SMG7: variants seen among roughly 807,000 people sequenced by gnomAD.
The protein encoded by SMG7 is SMG7 nonsense mediated mRNA decay factor.
A neutral mutation model predicts 148.2 loss-of-function variants in SMG7; 34 were observed. That is an observed-to-expected ratio of 0.23 (90% CI 0.17 to 0.31). SMG7 has a LOEUF of 0.31. SMG7 is among the 10% of genes least tolerant of loss of function. SMG7 has a pLI of 1.00. For missense variants in SMG7, 1,114 were observed against 1,408.4 expected, an observed-to-expected ratio of 0.79 and a Z score of 3.35; for synonymous variants, 492 against 515.1, an observed-to-expected ratio of 0.96 and a Z score of 0.61.
In SMG7 at chr1:183,472,613, G is replaced by A. The variant is rs1650919190; in HGVS notation, c.-8G>A. The A allele has an allele frequency of 2.1e-6, 3 of 1,448,450 alleles. No homozygotes were observed. The highest frequency in any genetic ancestry group is 2.8e-6 in the Non-Finnish European group (3 of 1,088,578). The allele number at this position is 1,448,450 out of a possible 1,614,324, so 89.7% of individuals were successfully genotyped here. On this transcript the variant is annotated 5_prime_UTR_variant, in exon 1 of 23. Coordinates refer to ENST00000688051, the MANE Select transcript of SMG7 (RefSeq NM_001375584.1). ...CTTCGCGGGAAGACGCGGCGGCGGC[G>A]GCGGAGGATGAGCCTGCAGAGCGCG...
rs190728807 is a variant in SMG7, at chr1:183,512,940, T to C, written c.61+72T>C. The C allele has an allele frequency of 3.3e-5, 46 of 1,383,834 alleles. No homozygotes were observed. In the Middle Eastern group the frequency reaches 8.9e-4, roughly 27 times the overall value. 85.7% of individuals were successfully genotyped at this position (1,383,834 alleles called of 1,614,324 possible). A position where few individuals can be genotyped will look rare whatever the true frequency, so the allele number is the denominator to read the frequency against. ...ATTAATGGAAGGATATCCTCTTTCT[T>C]ATATTATGCACAGCACTAAATCCCA... On this transcript the variant is annotated intron_variant, in intron 2 of 22. Coordinates refer to ENST00000688051, the MANE Select transcript of SMG7 (RefSeq NM_001375584.1).
At chr1:183,518,884 T>C (rs1393920836) in intron 4 of SMG7, among the ~76,000 whole-genome samples, 1 of 152,242 alleles carries the variant, frequency 6.6e-6, no homozygotes, top group Non-Finnish European at 1.5e-5. Flanking sequence ...TCTTACTATA[T>C]AGTACTGCCT....
At chr1:183,538,749 CCTTT>C (rs1430722545) in intron 12 of SMG7, among the ~76,000 whole-genome samples, 2 of 152,124 alleles carry the variant, frequency 1.3e-5, no homozygotes, top group Non-Finnish European at 2.9e-5. Context: ...GTCTTTCTTT[CCTTT>C]CTTTTTTAAA....
intron 1 of SMG7, among the ~76,000 whole-genome samples, chr1:183,489,513 G>A (rs1656390174): frequency 6.6e-6 from 1 of 152,104 alleles, no homozygotes; most frequent in Admixed American, 6.6e-5. Flanking sequence ...TGATATTGAT[G>A]TTGACCATAG....
At chr1:183,538,005 A>G (rs960309224) in intron 11 of SMG7, among the ~76,000 whole-genome samples, 12 of 152,158 alleles carry the variant, frequency 7.9e-5, no homozygotes, top group Non-Finnish European at 1.2e-4. Context: ...AGTGCCCAAG[A>G]TTCTGCATTT....
intron 22 of SMG7, among the ~76,000 whole-genome samples, 164 bp from the exon 23 acceptor site, chr1:183,551,654 T>C (rs1313968318): frequency 6.6e-6 from 1 of 152,226 alleles, no homozygotes; most frequent in Non-Finnish European, 1.5e-5. Flanking sequence ...ACTAACTAGC[T>C]TTAAGAGTCT....
At chr1:183,534,846 C>CAA (rs879330862) in intron 10 of SMG7, among the ~76,000 whole-genome samples, 24 of 134,356 alleles carry the variant, frequency 1.8e-4, no homozygotes, top group African/African-American at 6.0e-4. Context: ...CAGCCTGTCT[C>CAA]AAAAAAAAAA....
intron 20 of SMG7, 45 bp from the exon 21 acceptor site, chr1:183,550,706 G>A (rs1402710697): frequency 1.3e-6 from 2 of 1,586,136 alleles, no homozygotes; most frequent in African/African-American, 2.7e-5. Context: ...TTGTATGTTT[G>A]TGAAACAATG....
At chr1:183,480,983 A>G (rs1316660777) in intron 1 of SMG7, among the ~76,000 whole-genome samples, 1 of 152,182 alleles carries the variant, frequency 6.6e-6, no homozygotes, top group Non-Finnish European at 1.5e-5. Context: ...ACAAAGGTTT[A>G]CATGTGTTTA....
At chr1:183,497,313 T>G (rs1265488088) in intron 1 of SMG7, among the ~76,000 whole-genome samples, 1 of 152,222 alleles carries the variant, frequency 6.6e-6, no homozygotes, top group Non-Finnish European at 1.5e-5. Context: ...CCAAGTGGTC[T>G]GTCATCCTCA....
At position 183,529,027 on chromosome 1, in the gene SMG7, C is replaced by A. The variant is rs766662859; in HGVS notation, c.692C>A (p.Ser231Tyr). Residue 231 changes from serine (S) to tyrosine (Y), a missense_variant, in exon 7 of 23, where the codon TCT (serine) becomes TAT (tyrosine). Ser to Tyr is a moderately radical substitution (Grantham distance 144). Around this residue, in one of 4 missense-constraint regions of SMG7, gnomAD observed 216 missense variants for 329.1 expected, o/e 0.66. Transcript: ENST00000688051. ...TCCACTAATCTGCAAAAAGCACTTT[C>A]TAAAGCACTGGAAAGGTAGGGTTGT... ...AASTNLQKAL[S>Y]KALESRDEVK... The A allele has an allele frequency of 3.7e-6, 6 of 1,612,696 alleles. No homozygotes were observed. The highest frequency in any genetic ancestry group is 3.3e-5 in the Admixed American group (2 of 59,830).
At position 183,545,220 on chromosome 1, in the gene SMG7, C is replaced by G. The variant is rs753165326; in HGVS notation, c.2278C>G (p.Gln760Glu). 1.2e-6 allele frequency: 2 copies of G among 1,614,010 alleles called. No individual in the cohort carries two copies. The highest frequency in any genetic ancestry group is 1.7e-6 in the Non-Finnish European group (2 of 1,180,022). ...QPTAQSTSQL[Q>E]VQALTQQQQS... ...AACAGCACAGTCTACAAGCCAGCTG[C>G]AGGTTCAAGCTCTAACTCAGCAACA... The change falls in exon 16 of 23, where the codon CAG (glutamine) becomes GAG (glutamate). Residue 760 changes from glutamine (Q) to glutamate (E), a missense_variant. By Grantham distance (29) the Gln-to-Glu change is conservative. Coordinates refer to ENST00000688051, the MANE Select transcript of SMG7 (RefSeq NM_001375584.1).
At chr1:183,510,519 T>G (rs1661885374) in intron 1 of SMG7, among the ~76,000 whole-genome samples, 1 of 152,142 alleles carries the variant, frequency 6.6e-6, no homozygotes, top group African/African-American at 2.4e-5. Context: ...GCTATTTGTT[T>G]AGTATTCTTC....
At chr1:183,511,394 A>G (rs996400771) in intron 1 of SMG7, among the ~76,000 whole-genome samples, 1 of 152,230 alleles carries the variant, frequency 6.6e-6, no homozygotes. Context: ...TTTCTGAAGC[A>G]GTAATGTTCT....
Position 183,512,721 on chromosome 1 carries a change from G to A in SMG7, c.30-116G>A, listed in dbSNP as rs1219462346. The A allele has an allele frequency of 5.2e-6, 5 of 959,236 alleles. No individual in the cohort carries two copies. The African/African-American group carries it at 8.4e-5, about 16-fold the overall frequency. The allele number at this position is 959,236 out of a possible 1,614,324, so 59.4% of individuals were successfully genotyped here. A position where few individuals can be genotyped will look rare whatever the true frequency, so the allele number is the denominator to read the frequency against. On this transcript the variant is annotated intron_variant, in intron 1 of 22. Coordinates refer to ENST00000688051, the MANE Select transcript of SMG7 (RefSeq NM_001375584.1). ...TTGCAGTGCCACAAATATAGCTGCTGTATATCCTTATCGTAGTATATGATT... is the reference window on the plus strand; with the variant it reads ...TTGCAGTGCCACAAATATAGCTGCTATATATCCTTATCGTAGTATATGATT...
intron 2 of SMG7, 37 bp downstream of exon 2, chr1:183,512,905 T>G (rs374366987): frequency 7.1e-6 from 11 of 1,547,578 alleles, no homozygotes; most frequent in Middle Eastern, 1.9e-4. Context: ...CAACATATTT[T>G]ATATATTAAA....
In SMG7 at chr1:183,546,155, A is replaced by C. The variant is rs376757163; in HGVS notation, c.2560A>C (p.Met854Leu). 178 of 1,613,942 alleles carry C rather than the reference A, an allele frequency of 1.1e-4. No homozygotes were observed. The highest frequency in any genetic ancestry group is 1.5e-4 in the Non-Finnish European group (176 of 1,179,990). Residue 854 changes from methionine to leucine, a missense_variant, in exon 17 of 23, where the codon ATG becomes CTG. Met to Leu is a conservative substitution (Grantham distance 15, BLOSUM62 2). This residue lies in a region of SMG7 where 788 missense variants were observed against 894.5 expected (regional missense o/e 0.88). Coordinates refer to ENST00000688051, the MANE Select transcript of SMG7 (RefSeq NM_001375584.1). ...AGAAAAAAAAATGAAGCCTTTTCCC[A>C]TGGAGCCATATAACCATAATCCCTC... Reference protein sequence around the residue: ...PLEKKMKPFPMEPYNHNPSEV... With the variant: ...PLEKKMKPFPLEPYNHNPSEV...
At chr1:183,524,160 C>T (rs1308978556) in intron 4 of SMG7, among the ~76,000 whole-genome samples, 1 of 151,932 alleles carries the variant, frequency 6.6e-6, no homozygotes, top group Non-Finnish European at 1.5e-5. Flanking sequence ...TAGCTCACTG[C>T]GGCCTGGAAC....
intron 1 of SMG7, among the ~76,000 whole-genome samples, chr1:183,493,889 G>T (rs1160441720): frequency 6.6e-6 from 1 of 152,100 alleles, no homozygotes; most frequent in Non-Finnish European, 1.5e-5. Context: ...CACTTTACTG[G>T]TTTTCTGCCT....
Sources: gnomAD v4.1 joint callset for allele counts (sites outside exome capture counted in the v4.1 genomes callset) on GRCh38, gnomAD v4.1.1 for gene constraint, gnomAD v4.1.1 regional missense constraint, MANE v1.5 for transcripts, NCBI Gene and HGNC (gene_info 2026-07-23, HGNC 2026-07-21) for gene names.